Variants in CNTNAP2 observed in about 807,000 individuals in gnomAD.
The protein encoded by CNTNAP2 is contactin-associated protein-like 2.
A neutral mutation model predicts 155.2 loss-of-function variants in CNTNAP2; 98 were observed. The ratio of observed to expected loss-of-function variants is 0.63; its 90% CI spans 0.54 to 0.75. The LOEUF is 0.75. CNTNAP2 is among the 30% of genes least tolerant of loss of function. The pLI is 0.00. For synonymous variants in CNTNAP2, 651 were observed against 631.2 expected, an observed-to-expected ratio of 1.03 and a Z score of -0.47; for missense variants, 1,727 against 1,688.1, an observed-to-expected ratio of 1.02 and a Z score of -0.40.
At chr7:148,222,495 T>TATGAATGGATCATTCCATGAATCC (rs1330724345) in intron 19 of CNTNAP2, among the ~76,000 whole-genome samples, 1 of 78,320 alleles carries the variant, frequency 1.3e-5, no homozygotes, top group East Asian at 3.1e-4. Flanking sequence ...TCCATGAATC[T>TATGAATGGATCATTCCATGAATCC]ATGAATGGAT....
chr7:147,717,527 C>G (rs1228567837), intron 13 of CNTNAP2, among the ~76,000 whole-genome samples: 1 of 152,128 alleles, frequency 6.6e-6, no homozygotes, highest in Non-Finnish European at 1.5e-5. Flanking sequence ...GACTCCATAG[C>G]TAATGCTCCA....
intron 1 of CNTNAP2, among the ~76,000 whole-genome samples, chr7:146,390,993 G>T (rs866117147): frequency 2.4e-4 from 36 of 149,014 alleles, no homozygotes; most frequent in African/African-American, 8.1e-4. Context: ...CTTGAACCTG[G>T]CAGGCAGAGA....
chr7:148,110,833 A>G (rs1804333574), intron 15 of CNTNAP2, among the ~76,000 whole-genome samples: 1 of 152,192 alleles, frequency 6.6e-6, no homozygotes, highest in Non-Finnish European at 1.5e-5. Flanking sequence ...GCACCAAAAA[A>G]TGGGGGTAAA....
chr7:147,462,710 A>G (rs1480490407), intron 10 of CNTNAP2, among the ~76,000 whole-genome samples: 1 of 152,216 alleles, frequency 6.6e-6, no homozygotes, highest in African/African-American at 2.4e-5. Flanking sequence ...ATTTCTATAA[A>G]GTCTTGCTTA....
rs142020032 is a variant in CNTNAP2 at position 148,314,778 on chromosome 7, C to T, written c.3475+47652C>T. Among the ~76,000 whole-genome samples the T allele has an allele frequency of 8.3e-3, 1,270 of 152,222 alleles. 23 individuals carry two copies. Among genetic ancestry groups the T allele is most frequent in the African/African-American group, 0.029 (1,199 of 41,544 alleles). On this transcript the variant is annotated intron_variant, in intron 21 of 23. Transcript: ENST00000361727. ...ACTAAGGGTGAAGGACCAAGGCAGG[C>T]GTCCCCGTGTGGTCAGATGCCTCTG...
chr7:146,452,061 A>G (rs1235970588), intron 1 of CNTNAP2, among the ~76,000 whole-genome samples: 2 of 151,392 alleles, frequency 1.3e-5, no homozygotes, highest in African/African-American at 4.9e-5. Flanking sequence ...GGCACGTGCC[A>G]CCATACTCAG....
At chr7:147,052,118 G>C (rs953865624) in intron 4 of CNTNAP2, among the ~76,000 whole-genome samples, 1 of 151,990 alleles carries the variant, frequency 6.6e-6, no homozygotes, top group African/African-American at 2.4e-5. Flanking sequence ...TCAAGATTCA[G>C]TTGAAATGCA....
At chr7:148,302,817 T>A (rs1158752623) in intron 21 of CNTNAP2, among the ~76,000 whole-genome samples, 5 of 135,408 alleles carry the variant, frequency 3.7e-5, no homozygotes, top group African/African-American at 1.4e-4. Context: ...ATTATTCTTT[T>A]TTTTTTTTTT....
chr7:148,299,920 C>A (rs1349405253), intron 21 of CNTNAP2, among the ~76,000 whole-genome samples: 1 of 152,114 alleles, frequency 6.6e-6, no homozygotes, highest in Non-Finnish European at 1.5e-5. Flanking sequence ...ATAATAACTG[C>A]CAAAGGAATT....
At chr7:146,801,244 A>G (rs1386432564) in intron 2 of CNTNAP2, among the ~76,000 whole-genome samples, 1 of 152,058 alleles carries the variant, frequency 6.6e-6, no homozygotes, top group Non-Finnish European at 1.5e-5. Flanking sequence ...ATAGAGTGAG[A>G]ACTCACTCAG....
At chr7:146,132,227 T>C (rs926037104) in intron 1 of CNTNAP2, among the ~76,000 whole-genome samples, 1 of 152,084 alleles carries the variant, frequency 6.6e-6, no homozygotes, top group Non-Finnish European at 1.5e-5. Context: ...TACACAGATG[T>C]CTGTTGGCCT....
At chr7:146,948,394 G>T (rs1797235647) in intron 3 of CNTNAP2, among the ~76,000 whole-genome samples, 1 of 151,444 alleles carries the variant, frequency 6.6e-6, no homozygotes. Flanking sequence ...TGTTCTCAAT[G>T]TTAAAATAAT....
At chr7:146,525,831 G>A (rs1392374890) in intron 1 of CNTNAP2, among the ~76,000 whole-genome samples, 1 of 152,026 alleles carries the variant, frequency 6.6e-6, no homozygotes, top group Admixed American at 6.6e-5. Context: ...TGGGATATCA[G>A]CTCCCTTACC....
chr7:147,543,973 G>A (rs1369916330), intron 11 of CNTNAP2, among the ~76,000 whole-genome samples: 2 of 152,090 alleles, frequency 1.3e-5, no homozygotes, highest in African/African-American at 4.8e-5. Context: ...TAAACACAAA[G>A]CTACCTGTTT....
At position 146,726,925 on chromosome 7, in the gene CNTNAP2, G is replaced by A. The variant is rs557155142; in HGVS notation, c.98-47346G>A. 3.3e-5 allele frequency among the ~76,000 whole-genome samples: 5 copies of A among 152,062 alleles called. No homozygotes were observed. In the South Asian group the frequency reaches 6.2e-4, roughly 19 times the overall value. ...TCCATTTTTAAAAATAAACCACACA[G>A]TCATGCCCATTAAATATAACCAGAT... is the stretch of plus-strand genomic sequence containing the variant. On this transcript the variant is annotated intron_variant, in intron 1 of 23. Coordinates refer to ENST00000361727, the MANE Select transcript of CNTNAP2 (RefSeq NM_014141.6).
chr7:147,905,180 G>A (rs1799939371), intron 14 of CNTNAP2, among the ~76,000 whole-genome samples: 1 of 152,180 alleles, frequency 6.6e-6, no homozygotes, highest in Non-Finnish European at 1.5e-5. Context: ...CTAGTTGTGT[G>A]TTCTTAAGCC....
rs1286165618 is a variant in CNTNAP2 at position 147,119,734 on chromosome 7, G to T, written c.755-1245G>T. On this transcript the variant is annotated intron_variant, in intron 5 of 23. Transcript: ENST00000361727. ...GAGAAAGGAAGGAAGGAAGGAAGGA[G>T]GGAGTGTGGGAGGGGAAAGAAAGGG... is the stretch of plus-strand genomic sequence containing the variant. Among the ~76,000 whole-genome samples the T allele has an allele frequency of 2.0e-5, 3 of 151,600 alleles. No homozygotes were observed. The South Asian group carries it at 6.2e-4, about 32-fold the overall frequency.
chr7:147,469,424 A>G (rs1798173878), intron 10 of CNTNAP2, among the ~76,000 whole-genome samples: 1 of 152,044 alleles, frequency 6.6e-6, no homozygotes. Context: ...CCAGTGAACA[A>G]AGATGCATGC....
intron 12 of CNTNAP2, among the ~76,000 whole-genome samples, chr7:147,616,888 T>C (rs1238592668): frequency 6.6e-6 from 1 of 152,140 alleles, no homozygotes. Flanking sequence ...TAAATGCATA[T>C]TGAAGATGTT....
Sources: gnomAD v4.1 joint callset for allele counts (sites outside exome capture counted in the v4.1 genomes callset) on GRCh38, gnomAD v4.1.1 for gene constraint, MANE v1.5 for transcripts, NCBI Gene and HGNC (gene_info 2026-07-23, HGNC 2026-07-21) for gene names.